UNC5D: variants seen among roughly 807,000 people sequenced by gnomAD.
The protein encoded by UNC5D is netrin receptor UNC5D.
UNC5D carries 39 observed loss-of-function variants against 105.4 expected under a neutral mutation model. The ratio of observed to expected loss-of-function variants is 0.37; its 90% CI spans 0.29 to 0.48. The LOEUF is 0.48. Ranked by LOEUF, UNC5D falls within the 20% of genes least tolerant of loss-of-function variation. The probability of loss-of-function intolerance (pLI) is 0.98; values close to 1 mark genes in which losing one functional copy is unlikely to be tolerated. For synonymous variants in UNC5D, 452 were observed against 450.4 expected (o/e 1.00, Z -0.04); for missense variants, 991 against 1,202.4 (o/e 0.82, Z 2.60).
At chr8:35,567,949 T>C in intron 2 of UNC5D, 149 bp from the exon 3 acceptor site, 1 of 1,238,208 alleles carries the variant, frequency 8.1e-7, no homozygotes, top group Non-Finnish European at 1.1e-6. Context: ...TAATTAGCAG[T>C]AATATATTAT....
intron 4 of UNC5D, among the ~76,000 whole-genome samples, chr8:35,605,416 G>A (rs530741215): frequency 1.3e-5 from 2 of 152,318 alleles, no homozygotes; most frequent in South Asian, 4.1e-4. Flanking sequence ...TTTTGTCTCA[G>A]AGGAGTACCT....
chr8:35,337,141 A>C (rs1811105226), intron 1 of UNC5D, among the ~76,000 whole-genome samples: 1 of 152,156 alleles, frequency 6.6e-6, no homozygotes, highest in South Asian at 2.1e-4. Context: ...TCAACTACTG[A>C]AATATCTTAA....
At chr8:35,743,979 C>T (rs1468660204) in intron 11 of UNC5D, among the ~76,000 whole-genome samples, 1 of 152,160 alleles carries the variant, frequency 6.6e-6, no homozygotes, top group Non-Finnish European at 1.5e-5. Flanking sequence ...GAATAATGTC[C>T]TTGAGAGTAA....
chr8:35,392,399 T>A (rs1803830580), intron 1 of UNC5D, among the ~76,000 whole-genome samples: 1 of 152,204 alleles, frequency 6.6e-6, no homozygotes, highest in South Asian at 2.1e-4. Context: ...TTTATCCTTT[T>A]GTAGAGACAA....
At chr8:35,545,647 A>T (rs568157304) in intron 1 of UNC5D, among the ~76,000 whole-genome samples, 1 of 152,016 alleles carries the variant, frequency 6.6e-6, no homozygotes, top group African/African-American at 2.4e-5. Context: ...TCGCTATACA[A>T]AGCCAAAAAA....
chr8:35,409,073 G>A (rs1804988703), intron 1 of UNC5D, among the ~76,000 whole-genome samples: 1 of 151,978 alleles, frequency 6.6e-6, no homozygotes, highest in Admixed American at 6.6e-5. Context: ...ATGCTTATGT[G>A]TATCATCCTT....
intron 1 of UNC5D, among the ~76,000 whole-genome samples, chr8:35,475,542 A>T (rs1271011902): frequency 2.6e-5 from 4 of 152,192 alleles, no homozygotes; most frequent in Non-Finnish European, 4.4e-5. Context: ...GATTTCCCAA[A>T]GGAACCCAAC....
At chr8:35,604,609 T>A (rs141027217) in intron 4 of UNC5D, among the ~76,000 whole-genome samples, 13,887 of 152,176 alleles carry the variant, frequency 0.091, 658 homozygotes, top group Middle Eastern at 0.11. Context: ...AGATTGGGGA[T>A]GTTCTCCTGG....
chr8:35,660,364 A>C (rs1204184244), intron 4 of UNC5D, among the ~76,000 whole-genome samples: 1 of 151,998 alleles, frequency 6.6e-6, no homozygotes, highest in Non-Finnish European at 1.5e-5. Flanking sequence ...CTTCGCAGCT[A>C]TTTTCTTCCT....
chr8:35,369,114 T>C (rs1802290408), intron 1 of UNC5D, among the ~76,000 whole-genome samples: 1 of 152,166 alleles, frequency 6.6e-6, no homozygotes. Flanking sequence ...TTCAAACACA[T>C]TTTATCTAAT....
chr8:35,603,505 A>T (rs1820041817), intron 4 of UNC5D, among the ~76,000 whole-genome samples: 1 of 152,156 alleles, frequency 6.6e-6, no homozygotes, highest in Admixed American at 6.5e-5. Context: ...GGTGCTGAAA[A>T]GAATGTATAT....
At chr8:35,743,466 T>TG (rs1164661881) in intron 11 of UNC5D, among the ~76,000 whole-genome samples, 1 of 151,664 alleles carries the variant, frequency 6.6e-6, no homozygotes, top group African/African-American at 2.4e-5. Flanking sequence ...CCAGTAGAGA[T>TG]GGGGTCTCAC....
intron 9 of UNC5D, among the ~76,000 whole-genome samples, chr8:35,725,629 C>A (rs1191503775): frequency 6.6e-6 from 1 of 152,102 alleles, no homozygotes; most frequent in Non-Finnish European, 1.5e-5. Flanking sequence ...TCCTCCCCAG[C>A]TCCAGAATCT....
chr8:35,722,315 G>T lies in UNC5D; in HGVS notation c.1223G>T (p.Ser408Ile), dbSNP rs1293526848. ...IGVTLYRRSQ[S>I]DYGVDVIDSS... The stretch of plus-strand genomic sequence containing the variant: ...GTCACCCTTTACAGACGGAGCCAGA[G>T]TGACTATGGCGTGGACGTCATTGAC... Residue 408 changes from serine to isoleucine, a missense_variant, in exon 9 of 17, where the codon AGT (serine) becomes ATT (isoleucine). Around this residue, in one of 3 missense-constraint regions of UNC5D, gnomAD observed 944 missense variants for 1,131.6 expected, o/e 0.83. Transcript: ENST00000404895. 1 of 1,614,196 alleles carries T rather than the reference G, an allele frequency of 6.2e-7. No homozygotes were observed. Among genetic ancestry groups the T allele is most frequent in the East Asian group, 2.2e-5 (1 of 44,878 alleles).
chr8:35,390,099 G>C (rs932457935), intron 1 of UNC5D, among the ~76,000 whole-genome samples: 3 of 152,294 alleles, frequency 2.0e-5, no homozygotes, highest in Admixed American at 2.0e-4. Flanking sequence ...AGAAGGCAAA[G>C]GGGGAGCAGG....
intron 13 of UNC5D, among the ~76,000 whole-genome samples, chr8:35,753,056 G>T (rs1159168664): frequency 6.6e-6 from 1 of 152,130 alleles, no homozygotes; most frequent in East Asian, 1.9e-4. Context: ...GTGACTTTCA[G>T]ATCATCTATT....
chr8:35,357,954 G>A (rs980275061), intron 1 of UNC5D, among the ~76,000 whole-genome samples: 9 of 151,980 alleles, frequency 5.9e-5, no homozygotes, highest in East Asian at 1.9e-4. Flanking sequence ...AAGCAGGTAA[G>A]ATTCCCATAT....
intron 4 of UNC5D, among the ~76,000 whole-genome samples, chr8:35,624,627 T>G (rs564868077): frequency 6.6e-6 from 1 of 152,304 alleles, no homozygotes; most frequent in South Asian, 2.1e-4. Context: ...TGTCCATACC[T>G]CTGTCTTGTC....
intron 1 of UNC5D, among the ~76,000 whole-genome samples, chr8:35,372,286 G>A (rs1037219463): frequency 6.6e-6 from 1 of 151,892 alleles, no homozygotes; most frequent in African/African-American, 2.4e-5. Flanking sequence ...ACCATACCTG[G>A]TTACGTTTTT....
Sources: allele counts gnomAD v4.1 joint callset (sites outside exome capture counted in the v4.1 genomes callset), GRCh38; gene constraint gnomAD v4.1.1; regional missense constraint gnomAD v4.1.1; transcripts MANE v1.5; gene names NCBI Gene and HGNC (gene_info 2026-07-23, HGNC 2026-07-21).